The following GDPD4 variants were observed in gnomAD, a reference collection of about 807,000 sequenced individuals.
GDPD4 encodes the protein glycerophosphodiester phosphodiesterase 6.
GDPD4 carries 60 observed loss-of-function variants against 67.8 expected under a neutral mutation model. The ratio of observed to expected loss-of-function variants is 0.88; its 90% CI spans 0.72 to 1.10. The LOEUF is 1.10. GDPD4 is among the 50% of genes least tolerant of loss of function. GDPD4 has a pLI of 0.00. For missense variants in GDPD4, 623 were observed against 613.9 expected, an observed-to-expected ratio of 1.01 and a Z score of -0.16; for synonymous variants, 212 against 210.9, an observed-to-expected ratio of 1.00 and a Z score of -0.04.
chr11:77,276,162 T>C lies in GDPD4; in HGVS notation c.206A>G (p.Lys69Arg). 1 of 1,612,116 alleles carries C rather than the reference T, an allele frequency of 6.2e-7. No individual in the cohort carries two copies. Among genetic ancestry groups the C allele is most frequent in the Non-Finnish European group, 8.5e-7 (1 of 1,178,214 alleles). Residue 69 changes from lysine (K) to arginine (R), a missense_variant and splice_region_variant, in exon 5 of 17, where the codon AAG (lysine) becomes AGG (arginine). Coordinates refer to ENST00000315938, the MANE Select transcript of GDPD4 (RefSeq NM_182833.3). Reference sequence around the variant, plus strand: ...CCTATGTGGACTCAGATGTCCTACCTTATGACACAAGTGCAGGTATAGTTC... The same window carrying C: ...CCTATGTGGACTCAGATGTCCTACCCTATGACACAAGTGCAGGTATAGTTC... ...RIELYLHLCH[K>R]ILILLVILLC...
intron 13 of GDPD4, 106 bp downstream of exon 13, chr11:77,243,588 C>A: frequency 8.1e-6 from 8 of 988,966 alleles, no homozygotes; most frequent in Non-Finnish European, 1.3e-5. Flanking sequence ...GATAACCACA[C>A]ACAGAAATTC....
chr11:77,296,250 CAAAAA>C (rs200238027), intron 1 of GDPD4, among the ~76,000 whole-genome samples: 1 of 103,458 alleles, frequency 9.7e-6, no homozygotes, highest in Non-Finnish European at 1.9e-5. Context: ...GACTTCGTCT[CAAAAA>C]AAAAAAAAAA....
intron 11 of GDPD4, 43 bp from the exon 12 acceptor site, chr11:77,245,545 G>A (rs553582346): frequency 2.2e-6 from 3 of 1,386,860 alleles, no homozygotes; most frequent in Non-Finnish European, 3.0e-6. Context: ...GCACTTTCCA[G>A]TTCTCCTACT....
chr11:77,270,891 A>C (rs1959212794), intron 7 of GDPD4: 1 of 456,932 alleles, frequency 2.2e-6, no homozygotes, highest in East Asian at 4.1e-5. Flanking sequence ...TTATTTTTCC[A>C]AAAAAAGAAT....
At chr11:77,271,528 G>C in intron 5 of GDPD4, 135 bp from the exon 6 acceptor site, 1 of 622,248 alleles carries the variant, frequency 1.6e-6, no homozygotes, top group Non-Finnish European at 2.8e-6. Context: ...TAATAATGTA[G>C]AGAAAGATCT....
rs893167861 is a variant in GDPD4, at chr11:77,268,976, T to C, written c.572A>G (p.Lys191Arg). Reference sequence around the variant, plus strand: ...GGTTGGCTTGGGCCCCAAATTCTCCTTCTCCTGAATGCAGGGAGAATAAAT... The same window carrying C: ...GGTTGGCTTGGGCCCCAAATTCTCCCTCTCCTGAATGCAGGGAGAATAAAT... Reference protein sequence around the residue: ...LGIYSPCIQEKENLGPKPTIF... With the variant: ...LGIYSPCIQERENLGPKPTIF... Residue 191 changes from lysine to arginine, a missense_variant, in exon 9 of 17, where the codon AAG becomes AGG. Physicochemically the swap from Lys to Arg is conservative, Grantham distance 26. Transcript: ENST00000315938. 6.2e-7 allele frequency: 1 copy of C among 1,613,958 alleles called. No individual in the cohort carries two copies. Among genetic ancestry groups the C allele is most frequent in the African/African-American group, 1.3e-5 (1 of 74,912 alleles).
intron 13 of GDPD4, among the ~76,000 whole-genome samples, chr11:77,242,131 TAC>T (rs1334157790): frequency 1.3e-5 from 2 of 152,030 alleles, no homozygotes; most frequent in Non-Finnish European, 2.9e-5. Flanking sequence ...GCAGGGTAAC[TAC>T]AGTCAATAAT....
intron 11 of GDPD4, among the ~76,000 whole-genome samples, chr11:77,257,252 G>A (rs1565526540): frequency 6.6e-6 from 1 of 152,160 alleles, no homozygotes; most frequent in African/African-American, 2.4e-5. Context: ...GAGTATAGCT[G>A]ATTGGTCAGA....
At chr11:77,269,118 G>GGATGGA (rs1386061833) in intron 8 of GDPD4, 49 bp from the exon 9 acceptor site, 5 of 1,572,656 alleles carry the variant, frequency 3.2e-6, no homozygotes, top group Non-Finnish European at 4.3e-6. Context: ...AGATAAAGAG[G>GGATGGA]GATGGAAAAT....
chr11:77,217,691 C>T (rs1336426623), intron 16 of GDPD4, among the ~76,000 whole-genome samples: 1 of 152,166 alleles, frequency 6.6e-6, no homozygotes, highest in Non-Finnish European at 1.5e-5. Context: ...TTTGCCACTA[C>T]ATATACAGTG....
chr11:77,291,974 G>A (rs900608166), intron 1 of GDPD4, among the ~76,000 whole-genome samples: 5 of 152,108 alleles, frequency 3.3e-5, no homozygotes, highest in Non-Finnish European at 7.4e-5. Flanking sequence ...AGGTTGCGGT[G>A]AGCCAAGATG....
At chr11:77,282,805 A>AT (rs534417869) in intron 3 of GDPD4, among the ~76,000 whole-genome samples, 112 of 152,316 alleles carry the variant, frequency 7.4e-4, no homozygotes, top group African/African-American at 2.6e-3. Context: ...GTACAGAGCT[A>AT]TTTTTTATTT....
chr11:77,225,043 G>T (rs1163707150), intron 16 of GDPD4, among the ~76,000 whole-genome samples: 1 of 151,932 alleles, frequency 6.6e-6, no homozygotes, highest in Non-Finnish European at 1.5e-5. Flanking sequence ...GTTCAAGGTT[G>T]CAGTGAACCA....
At chr11:77,273,698 A>G (rs912522685) in intron 5 of GDPD4, among the ~76,000 whole-genome samples, 3 of 152,232 alleles carry the variant, frequency 2.0e-5, no homozygotes, top group Non-Finnish European at 2.9e-5. Context: ...TTGTTTGGTT[A>G]TCTGAAGCCT....
At chr11:77,264,312 T>G (rs1959167443) in intron 10 of GDPD4, among the ~76,000 whole-genome samples, 2 of 152,182 alleles carry the variant, frequency 1.3e-5, no homozygotes, top group South Asian at 4.1e-4. Context: ...GTTTCACATT[T>G]AAGAACAACA....
chr11:77,268,274 G>A (rs1357304386), intron 10 of GDPD4, among the ~76,000 whole-genome samples, 183 bp downstream of exon 10: 2 of 152,018 alleles, frequency 1.3e-5, no homozygotes, highest in Non-Finnish European at 2.9e-5. Context: ...TTGAAAACAT[G>A]GAGATGCAGA....
intron 13 of GDPD4, among the ~76,000 whole-genome samples, chr11:77,242,811 A>T (rs1228447848): frequency 2.0e-5 from 3 of 152,134 alleles, no homozygotes; most frequent in African/African-American, 7.2e-5. Context: ...CTAAAAGAAA[A>T]AAAGACACTA....
intron 3 of GDPD4, among the ~76,000 whole-genome samples, chr11:77,283,785 T>C (rs540000542): frequency 1.1e-4 from 16 of 151,998 alleles, no homozygotes; most frequent in Admixed American, 9.8e-4. Flanking sequence ...TGCTGTCATA[T>C]ACCTCTGTTT....
intron 14 of GDPD4, among the ~76,000 whole-genome samples, chr11:77,231,886 G>T (rs557655457): frequency 2.6e-5 from 4 of 152,296 alleles, no homozygotes; most frequent in Non-Finnish European, 5.9e-5. Flanking sequence ...GCTCCCTTCA[G>T]GGTCATCTCC....
Sources: gnomAD v4.1 joint callset for allele counts (sites outside exome capture counted in the v4.1 genomes callset) on GRCh38, gnomAD v4.1.1 for gene constraint, MANE v1.5 for transcripts, NCBI Gene and HGNC (gene_info 2026-07-23, HGNC 2026-07-21) for gene names.